CEP70: variants seen among roughly 807,000 people sequenced by gnomAD.
CEP70 encodes centrosomal protein of 70 kDa.
A neutral mutation model predicts 90.9 loss-of-function variants in CEP70; 70 were observed. The observed-to-expected ratio is 0.77, with a 90% CI of 0.64 to 0.94. The LOEUF (loss-of-function observed/expected upper bound fraction) is 0.94. Ranked by LOEUF, CEP70 falls within the 40% of genes least tolerant of loss-of-function variation. CEP70 has a pLI of 0.00. For synonymous variants in CEP70, 220 were observed against 228.3 expected, an observed-to-expected ratio of 0.96 and a Z score of 0.33; for missense variants, 648 against 669.0, an observed-to-expected ratio of 0.97 and a Z score of 0.35.
At chr3:138,563,778 T>C (rs77275029) in intron 6 of CEP70, among the ~76,000 whole-genome samples, 1,565 of 151,986 alleles carry the variant, frequency 0.01, 27 homozygotes, top group African/African-American at 0.037. Flanking sequence ...AAAATCACAA[T>C]TAAAAGAACT....
chr3:138,556,392 G>A (rs1351561953), intron 6 of CEP70, among the ~76,000 whole-genome samples: 1 of 151,962 alleles, frequency 6.6e-6, no homozygotes, highest in Non-Finnish European at 1.5e-5. Context: ...GCTGGGCATG[G>A]TGGTGGGAGC....
intron 6 of CEP70, among the ~76,000 whole-genome samples, chr3:138,545,643 G>C (rs932673692): frequency 2.0e-5 from 3 of 152,148 alleles, no homozygotes; most frequent in African/African-American, 7.2e-5. Context: ...CCTATAAATG[G>C]ATGTACAAGT....
Position 138,544,568 on chromosome 3 carries a change from T to C in CEP70, c.466-7221A>G, listed in dbSNP as rs573617661. On this transcript the variant is annotated intron_variant, in intron 6 of 17. Coordinates refer to ENST00000264982, the MANE Select transcript of CEP70 (RefSeq NM_024491.4). ...GTGTGTGTGTATATATATACACACA[T>C]ATTATATATATAAACATATTGAAGA... is the stretch of plus-strand genomic sequence containing the variant. 2.0e-5 allele frequency among the ~76,000 whole-genome samples: 3 copies of C among 152,150 alleles called. No individual in the cohort carries two copies. In the South Asian group the frequency reaches 6.2e-4, roughly 32 times the overall value.
chr3:138,584,802 C>T (rs767908545), intron 2 of CEP70, among the ~76,000 whole-genome samples: 1 of 151,622 alleles, frequency 6.6e-6, no homozygotes, highest in South Asian at 2.1e-4. Flanking sequence ...AACATACCTC[C>T]ACATAATAAA....
chr3:138,516,940 A>G (rs1339329898), intron 11 of CEP70, among the ~76,000 whole-genome samples: 1 of 152,204 alleles, frequency 6.6e-6, no homozygotes, highest in East Asian at 1.9e-4. Context: ...TTCAGAAAAC[A>G]CAATCACTGA....
chr3:138,505,766 T>C (rs1216168218), intron 12 of CEP70, among the ~76,000 whole-genome samples: 1 of 152,112 alleles, frequency 6.6e-6, no homozygotes. Context: ...AAAAAACCAG[T>C]GTCCCATCTT....
At chr3:138,581,007 G>A (rs917391266) in intron 2 of CEP70, among the ~76,000 whole-genome samples, 4 of 151,954 alleles carry the variant, frequency 2.6e-5, no homozygotes, top group Non-Finnish European at 5.9e-5. Flanking sequence ...AAAACAGGCC[G>A]GGCATGGTGG....
At chr3:138,532,493 G>C (rs748822884) in intron 8 of CEP70, 21 bp downstream of exon 8, 23 of 1,483,734 alleles carry the variant, frequency 1.6e-5, no homozygotes, top group Non-Finnish European at 1.9e-5. Context: ...TTTAAAAACT[G>C]TAATACAGGA....
chr3:138,519,965 T>C (rs1227382192), intron 11 of CEP70, among the ~76,000 whole-genome samples: 1 of 151,824 alleles, frequency 6.6e-6, no homozygotes, highest in East Asian at 1.9e-4. Flanking sequence ...ACACATAGGC[T>C]CAAAATTAAG....
intron 11 of CEP70, among the ~76,000 whole-genome samples, chr3:138,515,699 T>C (rs2035947989): frequency 6.6e-6 from 1 of 152,220 alleles, no homozygotes; most frequent in Non-Finnish European, 1.5e-5. Flanking sequence ...TTCATAAATA[T>C]GGAATCTATT....
intron 6 of CEP70, among the ~76,000 whole-genome samples, chr3:138,547,380 C>A (rs1355212691): frequency 2.0e-5 from 3 of 152,188 alleles, no homozygotes; most frequent in Non-Finnish European, 4.4e-5. Flanking sequence ...TGACTTCCAC[C>A]AACAAATTAA....
intron 2 of CEP70, among the ~76,000 whole-genome samples, chr3:138,587,068 A>G (rs2042140171): frequency 6.6e-6 from 1 of 152,094 alleles, no homozygotes; most frequent in African/African-American, 2.4e-5. Context: ...ACAGATAGGA[A>G]CTATAACCTC....
rs1483761273 is a variant in CEP70 at position 138,494,948 on chromosome 3, GATCA to G, written c.*63_*66del. The G allele has an allele frequency of 2.4e-5, 21 of 888,578 alleles. No homozygotes were observed. In the East Asian group the frequency reaches 2.6e-4, roughly 11 times the overall value. The allele number at this position is 888,578 out of a possible 1,614,324, so 55.0% of individuals were successfully genotyped here. A position where few individuals can be genotyped will look rare whatever the true frequency, so the allele number is the denominator to read the frequency against. ...TTTTACAACCCTTGTCTCAAAATAA[GATCA>G]ATCCTACAAAATACAAAATGTTAAG... On this transcript the variant is annotated 3_prime_UTR_variant, in exon 18 of 18. Coordinates refer to ENST00000264982, the MANE Select transcript of CEP70 (RefSeq NM_024491.4).
chr3:138,588,047 C>CA (rs550842002), intron 2 of CEP70, among the ~76,000 whole-genome samples: 15 of 146,760 alleles, frequency 1.0e-4, no homozygotes, highest in South Asian at 4.3e-4. Flanking sequence ...TGCCCATGTA[C>CA]AAAAAAAAGA....
chr3:138,519,709 T>G (rs1174866330), intron 11 of CEP70, among the ~76,000 whole-genome samples: 2 of 152,156 alleles, frequency 1.3e-5, no homozygotes, highest in Non-Finnish European at 2.9e-5. Context: ...GAACAACCGG[T>G]ACCAGCCACT....
intron 6 of CEP70, among the ~76,000 whole-genome samples, chr3:138,544,537 ATG>A (rs780695393): frequency 3.7e-4 from 55 of 149,252 alleles, no homozygotes; most frequent in East Asian, 1.7e-3. Context: ...GTATGTATGT[ATG>A]TGTGTGTGTG....
chr3:138,532,427 T>C (rs1002082173), intron 8 of CEP70, 87 bp downstream of exon 8: 3 of 1,169,046 alleles, frequency 2.6e-6, no homozygotes, highest in Non-Finnish European at 3.4e-6. Flanking sequence ...ATTTCCATAG[T>C]ATATTAAAGT....
At chr3:138,576,518 C>T (rs1249201509) in intron 2 of CEP70, among the ~76,000 whole-genome samples, 2 of 152,136 alleles carry the variant, frequency 1.3e-5, no homozygotes, top group African/African-American at 4.8e-5. Context: ...CTTTAACACC[C>T]TACTGTCAAT....
At chr3:138,566,057 C>T (rs768073228) in intron 6 of CEP70, among the ~76,000 whole-genome samples, 2 of 151,996 alleles carry the variant, frequency 1.3e-5, no homozygotes, top group Non-Finnish European at 2.9e-5. Context: ...TTTATGTGGC[C>T]AACAAACATA....
Sources: gnomAD v4.1 joint callset for allele counts (sites outside exome capture counted in the v4.1 genomes callset) on GRCh38, gnomAD v4.1.1 for gene constraint, MANE v1.5 for transcripts, NCBI Gene and HGNC (gene_info 2026-07-23, HGNC 2026-07-21) for gene names.